MRLN: variants seen among roughly 807,000 people sequenced by gnomAD.
The protein encoded by MRLN is myoregulin, also known as Linc-RNA activator of myogenesis.
intron 1 of MRLN, among the ~76,000 whole-genome samples, chr10:59,750,045 G>GCT (rs201153685): frequency 4.9e-4 from 63 of 129,800 alleles, no homozygotes; most frequent in South Asian, 7.8e-4. Flanking sequence ...AACCTCCCTT[G>GCT]CTCTCTCTCT....
chr10:59,746,182 C>G (rs1378033284), intron 1 of MRLN, among the ~76,000 whole-genome samples: 1 of 152,142 alleles, frequency 6.6e-6, no homozygotes, highest in Admixed American at 6.5e-5. Flanking sequence ...TAAAAATTTT[C>G]TAACCCTTCT....
intron 1 of MRLN, chr10:59,744,924 A>G: frequency 5.3e-6 from 1 of 188,462 alleles, no homozygotes; most frequent in Non-Finnish European, 1.0e-5. Context: ...ACTCGTTAAG[A>G]GTCATCACCA....
chr10:59,737,417 C>T (rs1161598789), intron 2 of MRLN, among the ~76,000 whole-genome samples, 197 bp from the exon 3 acceptor site: 2 of 152,152 alleles, frequency 1.3e-5, no homozygotes, highest in Non-Finnish European at 2.9e-5. Flanking sequence ...GTCAAAATCA[C>T]AGGCTTTTCT....
intron 1 of MRLN, among the ~76,000 whole-genome samples, chr10:59,747,955 C>T (rs978870872): frequency 6.6e-6 from 1 of 152,108 alleles, no homozygotes; most frequent in Admixed American, 6.6e-5. Context: ...AAATAAAATC[C>T]CAAAGTTGGG....
At chr10:59,744,684 G>A in intron 1 of MRLN, 1 of 160,862 alleles carries the variant, frequency 6.2e-6, no homozygotes, top group Non-Finnish European at 1.3e-5. Flanking sequence ...GAAATGTGGG[G>A]AAAAGAAAGA....
intron 1 of MRLN, among the ~76,000 whole-genome samples, chr10:59,752,292 A>C (rs2070165702): frequency 6.6e-6 from 1 of 152,248 alleles, no homozygotes; most frequent in South Asian, 2.1e-4. Context: ...ATGAGAGATA[A>C]TTAGGAAGAT....
chr10:59,740,757 AT>A (rs972810701), intron 1 of MRLN, among the ~76,000 whole-genome samples: 5 of 148,440 alleles, frequency 3.4e-5, no homozygotes, highest in African/African-American at 5.0e-5. Flanking sequence ...ATGAAATTTA[AT>A]TTTTTTCTTT....
chr10:59,737,858 C>A (rs1488783389), intron 2 of MRLN, among the ~76,000 whole-genome samples: 2 of 152,122 alleles, frequency 1.3e-5, no homozygotes, highest in African/African-American at 4.8e-5. Context: ...TAGAAGCATT[C>A]TTAATCCCTT....
chr10:59,749,792 C>T (rs1445731658), intron 1 of MRLN, among the ~76,000 whole-genome samples: 2 of 152,148 alleles, frequency 1.3e-5, no homozygotes, highest in Non-Finnish European at 2.9e-5. Flanking sequence ...AGAAAGATGG[C>T]CACTTCCTTG....
intron 1 of MRLN, among the ~76,000 whole-genome samples, chr10:59,748,670 A>G (rs1027929699): frequency 6.6e-6 from 1 of 152,252 alleles, no homozygotes; most frequent in African/African-American, 2.4e-5. Context: ...TTTGACAAAC[A>G]AGGCCCAGAG....
rs1316923121 is a variant in MRLN, at chr10:59,750,056, CTCTCTCTTTT to C, written c.-125+3288_-125+3297del. 5.5e-3 allele frequency among the ~76,000 whole-genome samples: 764 copies of C among 138,346 alleles called. 2 individuals carry two copies. The highest frequency in any genetic ancestry group is 0.02 in the African/African-American group (726 of 37,086). 90.8% of individuals were successfully genotyped at this position (138,346 alleles called of 152,430 possible). A position where few individuals can be genotyped will look rare whatever the true frequency, so the allele number is the denominator to read the frequency against. On this transcript the variant is annotated intron_variant, in intron 1 of 2. Transcript: ENST00000414264. ...ATGGAACCTCCCTTGCTCTCTCTCT[CTCTCTCTTTT>C]TTTTTTTTTTTTTTTTTTTTTTTGA...
chr10:59,745,826 T>G (rs959047275), intron 1 of MRLN, among the ~76,000 whole-genome samples: 4 of 152,112 alleles, frequency 2.6e-5, no homozygotes, highest in African/African-American at 9.7e-5. Context: ...TGTAAGCCCT[T>G]GCCTTTGAAG....
intron 1 of MRLN, among the ~76,000 whole-genome samples, chr10:59,740,061 A>C (rs1033557748): frequency 2.6e-5 from 4 of 151,780 alleles, no homozygotes; most frequent in African/African-American, 9.7e-5. Flanking sequence ...ACTGCACTCC[A>C]GCCTGGGAGA....
At chr10:59,738,046 A>C (rs1840942400) in intron 2 of MRLN, 2 of 152,208 alleles carry the variant, frequency 1.3e-5, no homozygotes, top group African/African-American at 4.8e-5. Context: ...TTAAGAGAGA[A>C]TAAGAAAAAG....
intron 1 of MRLN, among the ~76,000 whole-genome samples, chr10:59,749,851 A>G (rs890309885): frequency 6.6e-6 from 1 of 151,986 alleles, no homozygotes; most frequent in Non-Finnish European, 1.5e-5. Flanking sequence ...ATGAGAGGAA[A>G]CAAATAGCCC....
At chr10:59,749,547 AGCTGG>A (rs1841077677) in intron 1 of MRLN, among the ~76,000 whole-genome samples, 1 of 152,192 alleles carries the variant, frequency 6.6e-6, no homozygotes, top group Admixed American at 6.5e-5. Context: ...TGCAAAAATT[AGCTGG>A]GCGTGGTGGT....
intron 1 of MRLN, among the ~76,000 whole-genome samples, chr10:59,741,361 A>T (rs1840981745): frequency 6.6e-6 from 1 of 151,808 alleles, no homozygotes; most frequent in African/African-American, 2.4e-5. Context: ...TTTTTATTTT[A>T]ATTTTTTATT....
At chr10:59,748,771 C>A (rs1841068196) in intron 1 of MRLN, among the ~76,000 whole-genome samples, 1 of 152,196 alleles carries the variant, frequency 6.6e-6, no homozygotes, top group South Asian at 2.1e-4. Context: ...TTATGATAGA[C>A]TGGATTCTGC....
chr10:59,752,774 A>G (rs1298942587), intron 1 of MRLN, among the ~76,000 whole-genome samples: 2 of 151,740 alleles, frequency 1.3e-5, no homozygotes, highest in Non-Finnish European at 2.9e-5. Context: ...GGACTCTCAG[A>G]AGCACCCAGC....
Sources: gnomAD v4.1 joint callset for allele counts (sites outside exome capture counted in the v4.1 genomes callset) on GRCh38, gnomAD v4.1.1 for gene constraint, MANE v1.5 for transcripts, NCBI Gene and HGNC (gene_info 2026-07-23, HGNC 2026-07-21) for gene names.